The following BCAT1 variants were observed in gnomAD, a reference collection of about 807,000 sequenced individuals.
BCAT1 encodes branched chain amino acid transaminase 1.
BCAT1 carries 48 observed loss-of-function variants against 52.4 expected under a neutral mutation model. That is an observed-to-expected ratio of 0.92 (90% CI 0.73 to 1.16). The LOEUF (loss-of-function observed/expected upper bound fraction) is 1.16, where lower values mean the gene tolerates loss of function less well. Ranked by LOEUF, BCAT1 falls within the 50% of genes most tolerant of loss-of-function variation. The pLI is 0.00. For synonymous variants in BCAT1, 167 were observed against 161.3 expected, an observed-to-expected ratio of 1.04 and a Z score of -0.27; for missense variants, 451 against 457.1, an observed-to-expected ratio of 0.99 and a Z score of 0.12.
At chr12:24,938,690 G>T (rs1256450559) in intron 1 of BCAT1, among the ~76,000 whole-genome samples, 1 of 152,026 alleles carries the variant, frequency 6.6e-6, no homozygotes, top group Non-Finnish European at 1.5e-5. Context: ...GGAGTATGGG[G>T]TTGTGTACAA....
At chr12:24,829,742 G>A in intron 10 of BCAT1, 81 bp downstream of exon 10, 3 of 1,134,774 alleles carry the variant, frequency 2.6e-6, no homozygotes, top group Non-Finnish European at 3.7e-6. Context: ...ATATAATTTA[G>A]TTGTAAGCTC....
At chr12:24,874,590 G>C (rs1942275785) in intron 5 of BCAT1, among the ~76,000 whole-genome samples, 1 of 152,194 alleles carries the variant, frequency 6.6e-6, no homozygotes, top group African/African-American at 2.4e-5. Flanking sequence ...TAAAAGTTCA[G>C]CTTTCAATGA....
intron 1 of BCAT1, among the ~76,000 whole-genome samples, chr12:24,933,954 A>G (rs1043758423): frequency 3.9e-5 from 6 of 152,088 alleles, no homozygotes; most frequent in African/African-American, 1.4e-4. Flanking sequence ...TATTATGCAC[A>G]TGAATTCTCC....
chr12:24,856,519 G>A (rs1941688515), intron 5 of BCAT1, among the ~76,000 whole-genome samples: 1 of 115,694 alleles, frequency 8.6e-6, no homozygotes, highest in Admixed American at 1.0e-4. Context: ...TAGGCCTGCT[G>A]TCCTTATAAG....
intron 1 of BCAT1, among the ~76,000 whole-genome samples, chr12:24,920,939 T>A (rs1451749712): frequency 6.6e-6 from 1 of 152,196 alleles, no homozygotes; most frequent in Non-Finnish European, 1.5e-5. Flanking sequence ...AATGAAGAGA[T>A]ACAAGGTCCA....
intron 10 of BCAT1, among the ~76,000 whole-genome samples, chr12:24,826,782 T>C (rs1940416375): frequency 6.6e-6 from 1 of 152,230 alleles, no homozygotes; most frequent in South Asian, 2.1e-4. Flanking sequence ...GGAATATCTT[T>C]CCACCTTTGT....
intron 1 of BCAT1, among the ~76,000 whole-genome samples, chr12:24,934,081 C>G (rs1044029858): frequency 2.0e-5 from 3 of 152,200 alleles, no homozygotes; most frequent in Admixed American, 6.5e-5. Context: ...TTCACCCGTG[C>G]AAGCTCCCAG....
At chr12:24,826,209 C>T (rs1786463567) in intron 10 of BCAT1, among the ~76,000 whole-genome samples, 1 of 152,316 alleles carries the variant, frequency 6.6e-6, no homozygotes, top group East Asian at 1.9e-4. Context: ...GAGATCTTTG[C>T]TTAGACCAAT....
At chr12:24,835,551 TTTTATTTATTTATTTATTTATTTA>T (rs67156404) in intron 8 of BCAT1, among the ~76,000 whole-genome samples, 2 of 146,568 alleles carry the variant, frequency 1.4e-5, no homozygotes, top group African/African-American at 5.1e-5. Context: ...TTAAATTTTA[TTTTATTTATTTATTTATTTATTTA>T]TTTATTTATT....
rs776734093 is a variant in BCAT1 at position 24,894,333 on chromosome 12, T to C, written c.221A>G (p.Lys74Arg). Residue 74 changes from lysine to arginine, a missense_variant, in exon 3 of 11, where the codon AAG becomes AGG. By Grantham distance (26) the Lys-to-Arg change is conservative (BLOSUM62 2). Coordinates refer to ENST00000261192, the MANE Select transcript of BCAT1 (RefSeq NM_005504.7). ...SEFGWEKPHI[K>R]PLQNLSLHPG... is the part of the protein sequence containing the mutation. ...GTGCAATGACAGGTTCTGAAGAGGC[T>C]TGATATGAGGTTTCTCCCATCCAAA... 2 of 1,613,986 alleles carry C rather than the reference T, an allele frequency of 1.2e-6. No homozygotes were observed. The highest frequency in any genetic ancestry group is 3.3e-5 in the Admixed American group (2 of 60,012).
chr12:24,902,733 C>G, intron 1 of BCAT1: 1 of 709,562 alleles, frequency 1.4e-6, no homozygotes, highest in Admixed American at 3.5e-5. Context: ...ACCTGGGCAG[C>G]GGGAACCTCG....
chr12:24,823,218 A>ATTTG (rs34858948), intron 10 of BCAT1, among the ~76,000 whole-genome samples: 31 of 150,886 alleles, frequency 2.1e-4, no homozygotes, highest in African/African-American at 4.1e-4. Flanking sequence ...TGCCCGATTA[A>ATTTG]TTTGTTTGTT....
At chr12:24,889,621 G>GGT (rs912502839) in intron 3 of BCAT1, among the ~76,000 whole-genome samples, 1 of 152,142 alleles carries the variant, frequency 6.6e-6, no homozygotes, top group Non-Finnish European at 1.5e-5. Context: ...TATAATGCTG[G>GGT]GTGTGTTAGG....
At chr12:24,854,906 A>ATC (rs1362066812) in intron 5 of BCAT1, among the ~76,000 whole-genome samples, 1 of 152,154 alleles carries the variant, frequency 6.6e-6, no homozygotes, top group Non-Finnish European at 1.5e-5. Flanking sequence ...TCCAACTGGT[A>ATC]TCTAGCTTTC....
chr12:24,822,015 C>G (rs1422835496), intron 10 of BCAT1, among the ~76,000 whole-genome samples: 4 of 152,092 alleles, frequency 2.6e-5, no homozygotes. Context: ...CAGAGGACCC[C>G]AAGTGGCAGA....
In BCAT1 at chr12:24,948,915, A is replaced by G. The variant is rs1241923774; in HGVS notation, c.6+12T>C. ...ATTTTTGTAAAACACGGACAAAACC[A>G]TAAGTAGTTACCTTCATTGTTCCGT... On this transcript the variant is annotated intron_variant, in intron 1 of 10. Coordinates refer to ENST00000261192, the MANE Select transcript of BCAT1 (RefSeq NM_005504.7). 18 of 1,595,286 alleles carry G rather than the reference A, an allele frequency of 1.1e-5. No homozygotes were observed. Among genetic ancestry groups the G allele is most frequent in the Admixed American group, 1.7e-5 (1 of 57,570 alleles).
intron 1 of BCAT1, among the ~76,000 whole-genome samples, chr12:24,909,740 G>A (rs906769701): frequency 1.2e-4 from 19 of 152,198 alleles, no homozygotes; most frequent in Admixed American, 6.5e-5. Flanking sequence ...AAATATGGAA[G>A]TGACACTGTT....
In BCAT1 at chr12:24,867,537, T is replaced by C. The variant is rs75014298; in HGVS notation, c.510+10993A>G. On this transcript the variant is annotated intron_variant, in intron 5 of 10. Coordinates refer to ENST00000261192, the MANE Select transcript of BCAT1 (RefSeq NM_005504.7). ...CATGTTAAATGTCTTTAAAAACTTA[T>C]GATTTAGCACTGAGAAGAAAAGTTA... Among the ~76,000 whole-genome samples the C allele has an allele frequency of 5.0e-3, 759 of 152,258 alleles. 15 individuals are homozygous for C. The highest frequency in any genetic ancestry group is 0.026 in the Admixed American group (390 of 15,294).
chr12:24,894,510 G>T, intron 2 of BCAT1, 35 bp from the exon 3 acceptor site: 1 of 1,521,726 alleles, frequency 6.6e-7, no homozygotes, highest in Non-Finnish European at 8.9e-7. Context: ...TTACAGAAAA[G>T]CTACTGAGCA....
Sources: gnomAD v4.1 joint callset for allele counts (sites outside exome capture counted in the v4.1 genomes callset) on GRCh38, gnomAD v4.1.1 for gene constraint, MANE v1.5 for transcripts, NCBI Gene and HGNC (gene_info 2026-07-23, HGNC 2026-07-21) for gene names.